DCLK2: variants seen among roughly 807,000 people sequenced by gnomAD.
The protein encoded by DCLK2 is serine/threonine-protein kinase DCLK2.
Under a neutral mutation model 78.4 loss-of-function variants are expected in DCLK2, and 31 were observed. That is an observed-to-expected ratio of 0.40 (90% CI 0.30 to 0.53). The LOEUF is 0.53. DCLK2 is among the 20% of genes least tolerant of loss of function. The probability of loss-of-function intolerance (pLI) is 0.61; values close to 1 mark genes in which losing one functional copy is unlikely to be tolerated. For synonymous variants in DCLK2, 407 were observed against 374.9 expected (o/e 1.09, Z -0.99); for missense variants, 872 against 973.7 (o/e 0.90, Z 1.39).
At chr4:150,223,683 G>A (rs1397092693) in intron 7 of DCLK2, among the ~76,000 whole-genome samples, 4 of 152,092 alleles carry the variant, frequency 2.6e-5, no homozygotes, top group African/African-American at 9.7e-5. Context: ...GGCGGAGGAT[G>A]CAGTGAGCCA....
At chr4:150,121,438 T>C (rs185163487) in intron 2 of DCLK2, among the ~76,000 whole-genome samples, 2 of 152,338 alleles carry the variant, frequency 1.3e-5, no homozygotes, top group African/African-American at 4.8e-5. Flanking sequence ...CAACTCCTAT[T>C]CTATTGAAGT....
chr4:150,081,997 CAAAA>C (rs1216080802), intron 1 of DCLK2, among the ~76,000 whole-genome samples: 3 of 60,168 alleles, frequency 5.0e-5, no homozygotes, highest in Admixed American at 1.8e-4. Context: ...GACTCTGTCT[CAAAA>C]AAAAAAAAAA....
chr4:150,088,978 C>T (rs1446673851), intron 1 of DCLK2, among the ~76,000 whole-genome samples: 1 of 152,200 alleles, frequency 6.6e-6, no homozygotes, highest in East Asian at 1.9e-4. Context: ...ATGTACATTA[C>T]TCACTGTTTT....
intron 2 of DCLK2, among the ~76,000 whole-genome samples, chr4:150,165,129 A>AAT (rs1355630899): frequency 6.6e-6 from 1 of 152,236 alleles, no homozygotes; most frequent in African/African-American, 2.4e-5. Context: ...GTAATGATGG[A>AAT]ATATACCTTC....
intron 2 of DCLK2, among the ~76,000 whole-genome samples, chr4:150,112,483 G>A (rs1339655117): frequency 1.3e-5 from 2 of 152,100 alleles, no homozygotes; most frequent in Non-Finnish European, 2.9e-5. Context: ...GTAAAAGTAG[G>A]CATTGTTGTC....
intron 1 of DCLK2, among the ~76,000 whole-genome samples, chr4:150,082,400 C>T (rs1030945417): frequency 1.3e-5 from 2 of 152,162 alleles, no homozygotes; most frequent in African/African-American, 2.4e-5. Context: ...TCATTCAGAG[C>T]CCCAATCTCA....
At chr4:150,131,157 G>C (rs915198881) in intron 2 of DCLK2, among the ~76,000 whole-genome samples, 1 of 151,998 alleles carries the variant, frequency 6.6e-6, no homozygotes, top group Non-Finnish European at 1.5e-5. Context: ...CAAGTAGCTC[G>C]GATTACAGGC....
chr4:150,248,217 T>A, intron 13 of DCLK2, 88 bp from the exon 14 acceptor site: 1 of 1,136,510 alleles, frequency 8.8e-7, no homozygotes, highest in South Asian at 1.3e-5. Context: ...TTCTCTGAAG[T>A]GCTTGCCACA....
At chr4:150,221,584 T>C in intron 6 of DCLK2, 93 bp from the exon 7 acceptor site, 4 of 727,768 alleles carry the variant, frequency 5.5e-6, no homozygotes, top group Non-Finnish European at 8.7e-6. Flanking sequence ...GATTTAGAAA[T>C]AAATGCATCG....
intron 2 of DCLK2, among the ~76,000 whole-genome samples, chr4:150,159,894 G>A (rs1270603208): frequency 1.3e-5 from 2 of 152,036 alleles, no homozygotes; most frequent in Admixed American, 6.6e-5. Context: ...TGAGGGAAAC[G>A]TAAAAAATAC....
At chr4:150,098,855 C>A (rs1206992928) in intron 1 of DCLK2, among the ~76,000 whole-genome samples, 1 of 151,798 alleles carries the variant, frequency 6.6e-6, no homozygotes, top group Non-Finnish European at 1.5e-5. Flanking sequence ...GCCACCACAC[C>A]CGGCTAATTT....
chr4:150,101,471 G>A (rs1730886304), intron 1 of DCLK2, among the ~76,000 whole-genome samples: 1 of 151,832 alleles, frequency 6.6e-6, no homozygotes. Flanking sequence ...TAATATTTAA[G>A]GTTCATGTTA....
At chr4:150,135,769 A>C (rs1733645331) in intron 2 of DCLK2, among the ~76,000 whole-genome samples, 1 of 152,228 alleles carries the variant, frequency 6.6e-6, no homozygotes, top group African/African-American at 2.4e-5. Flanking sequence ...ATAATAGGTA[A>C]GTAAACTTAA....
chr4:150,083,040 G>A (rs1729412908), intron 1 of DCLK2, among the ~76,000 whole-genome samples: 1 of 152,192 alleles, frequency 6.6e-6, no homozygotes, highest in Non-Finnish European at 1.5e-5. Flanking sequence ...GAAGTTGGCA[G>A]ACCACCTAAG....
At chr4:150,144,396 G>A (rs1185521347) in intron 2 of DCLK2, among the ~76,000 whole-genome samples, 1 of 152,112 alleles carries the variant, frequency 6.6e-6, no homozygotes, top group Non-Finnish European at 1.5e-5. Flanking sequence ...TGTAGGTAAT[G>A]TGGCTTTATT....
At chr4:150,245,742 C>G (rs1455384002) in intron 12 of DCLK2, among the ~76,000 whole-genome samples, 1 of 152,128 alleles carries the variant, frequency 6.6e-6, no homozygotes, top group Non-Finnish European at 1.5e-5. Context: ...GTATATGTGC[C>G]ACATTTTCTT....
intron 2 of DCLK2, among the ~76,000 whole-genome samples, chr4:150,138,039 T>G (rs1476703442): frequency 2.0e-5 from 3 of 152,218 alleles, no homozygotes; most frequent in Admixed American, 6.5e-5. Context: ...TAGGGCTATG[T>G]TCATGAAATT....
At chr4:150,198,769 G>A (rs1212447722) in intron 4 of DCLK2, among the ~76,000 whole-genome samples, 1 of 152,120 alleles carries the variant, frequency 6.6e-6, no homozygotes, top group Admixed American at 6.5e-5. Flanking sequence ...CTGAAGGAAA[G>A]AATTGTGAAA....
At position 150,078,625 on chromosome 4, in the gene DCLK2, C is replaced by A. The variant is rs1393924990; in HGVS notation, c.-403C>A. 6.5e-6 allele frequency: 1 copy of A among 153,704 alleles called. No individual in the cohort carries two copies. The highest frequency in any genetic ancestry group is 1.4e-5 in the Non-Finnish European group (1 of 69,286). The allele number at this position is 153,704 out of a possible 1,614,324, so 9.5% of individuals were successfully genotyped here. A position where few individuals can be genotyped will look rare whatever the true frequency, so the allele number is the denominator to read the frequency against. On this transcript the variant is annotated 5_prime_UTR_variant, in exon 1 of 16. Transcript: ENST00000296550. ...CCTCCCCTCGGCGCTCCCGGGAGCG[C>A]TCGGCAGACGCCCGAGCTTTGTGGG...
Sources: gnomAD v4.1 joint callset for allele counts (sites outside exome capture counted in the v4.1 genomes callset) on GRCh38, gnomAD v4.1.1 for gene constraint, MANE v1.5 for transcripts, NCBI Gene and HGNC (gene_info 2026-07-23, HGNC 2026-07-21) for gene names.